The following SGCZ variants were observed in gnomAD, a reference collection of about 807,000 sequenced individuals.
The protein encoded by SGCZ is zeta-sarcoglycan.
A neutral mutation model predicts 41.3 loss-of-function variants in SGCZ; 40 were observed. That is an observed-to-expected ratio of 0.97 (90% confidence interval 0.75 to 1.26). The LOEUF (loss-of-function observed/expected upper bound fraction) is 1.26, where lower values mean the gene tolerates loss of function less well. SGCZ is among the 50% of genes most tolerant of loss of function. The probability of loss-of-function intolerance (pLI) is 0.00; values close to 1 mark genes in which losing one functional copy is unlikely to be tolerated. For synonymous variants in SGCZ, 206 were observed against 137.5 expected, an observed-to-expected ratio of 1.50 and a Z score of -3.49; for missense variants, 552 against 369.8, an observed-to-expected ratio of 1.49 and a Z score of -4.04.
chr8:14,156,427 C>T (rs1188380995), intron 5 of SGCZ, among the ~76,000 whole-genome samples: 1 of 152,072 alleles, frequency 6.6e-6, no homozygotes, highest in African/African-American at 2.4e-5. Flanking sequence ...TGCCACTTCA[C>T]TCCAGCCTGG....
chr8:14,472,146 T>A lies in SGCZ; in HGVS notation c.234+82586A>T, dbSNP rs1801229898. On this transcript the variant is annotated intron_variant, in intron 2 of 7. Coordinates refer to ENST00000382080, the MANE Select transcript of SGCZ (RefSeq NM_139167.4). ...GTCTTACTATATGAATTTTAAGAGT[T>A]CCAATTGTAATTTTAGAAGTGACCT... 5.9e-5 allele frequency among the ~76,000 whole-genome samples: 9 copies of A among 152,240 alleles called. 1 individual carries two copies. The South Asian group carries it at 1.9e-3, about 32-fold the overall frequency.
intron 1 of SGCZ, among the ~76,000 whole-genome samples, chr8:15,184,041 TA>T (rs538585998): frequency 3.0e-4 from 45 of 152,334 alleles, no homozygotes; most frequent in African/African-American, 1.0e-3. Context: ...ACTACTTTTA[TA>T]GTGCTGAAAT....
intron 7 of SGCZ, among the ~76,000 whole-genome samples, chr8:14,100,617 A>G (rs965929371): frequency 1.4e-5 from 2 of 147,138 alleles, no homozygotes; most frequent in African/African-American, 2.5e-5. Context: ...ATATTAATAT[A>G]TTAATATATT....
chr8:14,339,049 G>A (rs566235102), intron 2 of SGCZ, among the ~76,000 whole-genome samples: 3 of 152,188 alleles, frequency 2.0e-5, no homozygotes, highest in South Asian at 4.1e-4. Context: ...CAAGTGGGAA[G>A]AAAATTAGTA....
At chr8:14,627,615 A>G (rs1198255916) in intron 1 of SGCZ, among the ~76,000 whole-genome samples, 1 of 152,028 alleles carries the variant, frequency 6.6e-6, no homozygotes, top group Non-Finnish European at 1.5e-5. Flanking sequence ...GGTTATTCCT[A>G]ATTTTAGATT....
At chr8:14,886,505 C>T in intron 1 of SGCZ, among the ~76,000 whole-genome samples, 1 of 151,986 alleles carries the variant, frequency 6.6e-6, no homozygotes, top group East Asian at 2.0e-4. Flanking sequence ...GAACAAACAC[C>T]TCAGGGAGGT....
intron 5 of SGCZ, among the ~76,000 whole-genome samples, chr8:14,117,481 C>CGTGT (rs146063958): frequency 2.8e-5 from 4 of 143,324 alleles, no homozygotes; most frequent in African/African-American, 1.0e-4. Flanking sequence ...GTACTTGACC[C>CGTGT]GTGTGTGTGT....
At chr8:15,091,641 T>A (rs937141379) in intron 1 of SGCZ, among the ~76,000 whole-genome samples, 1 of 152,240 alleles carries the variant, frequency 6.6e-6, no homozygotes, top group Admixed American at 6.5e-5. Flanking sequence ...ACTAAAAAAA[T>A]TTCCAATTTA....
intron 1 of SGCZ, among the ~76,000 whole-genome samples, chr8:14,646,946 C>G (rs1807241267): frequency 6.6e-6 from 1 of 151,900 alleles, no homozygotes; most frequent in Non-Finnish European, 1.5e-5. Flanking sequence ...CTAGCTCCAG[C>G]TGTCTCTGGG....
intron 2 of SGCZ, among the ~76,000 whole-genome samples, chr8:14,455,280 A>C (rs1217119728): frequency 1.3e-5 from 2 of 152,144 alleles, no homozygotes; most frequent in African/African-American, 4.8e-5. Context: ...AAAAAGTAAA[A>C]AATCATAGTT....
chr8:15,190,959 C>T (rs1020794945), intron 1 of SGCZ, among the ~76,000 whole-genome samples: 1 of 152,072 alleles, frequency 6.6e-6, no homozygotes, highest in African/African-American at 2.4e-5. Context: ...AGTGGACTAT[C>T]TATGGATTCA....
At chr8:15,211,840 C>T (rs1801245673) in intron 1 of SGCZ, among the ~76,000 whole-genome samples, 1 of 152,042 alleles carries the variant, frequency 6.6e-6, no homozygotes, top group African/African-American at 2.4e-5. Flanking sequence ...CATCCAAATT[C>T]CATTTTGTAA....
At chr8:14,800,886 C>T (rs777430115) in intron 1 of SGCZ, among the ~76,000 whole-genome samples, 2 of 144,182 alleles carry the variant, frequency 1.4e-5, no homozygotes, top group Admixed American at 7.3e-5. Context: ...TCATATACCA[C>T]ACAAGCAAAC....
intron 2 of SGCZ, among the ~76,000 whole-genome samples, chr8:14,534,744 A>T (rs1803243745): frequency 1.3e-5 from 2 of 152,056 alleles, no homozygotes; most frequent in Admixed American, 1.3e-4. Context: ...ATTGAAAGAA[A>T]GTACAACTTT....
intron 1 of SGCZ, among the ~76,000 whole-genome samples, chr8:15,064,723 C>G (rs1051713712): frequency 2.0e-5 from 3 of 152,064 alleles, no homozygotes; most frequent in Non-Finnish European, 2.9e-5. Flanking sequence ...CTTCCCTGCT[C>G]TATAAACCCC....
At chr8:14,699,829 T>G (rs1248175544) in intron 1 of SGCZ, among the ~76,000 whole-genome samples, 2 of 151,908 alleles carry the variant, frequency 1.3e-5, no homozygotes, top group Admixed American at 1.3e-4. Context: ...AAGACATACA[T>G]GCAGCCAACG....
chr8:15,237,514 C>T, intron 1 of SGCZ, 71 bp downstream of exon 1: 3 of 1,530,544 alleles, frequency 2.0e-6, no homozygotes, highest in Non-Finnish European at 2.7e-6. Context: ...GCTGGAGGAG[C>T]CGCGGGAAGG....
chr8:14,773,623 A>C (rs889399842), intron 1 of SGCZ, among the ~76,000 whole-genome samples: 52 of 152,218 alleles, frequency 3.4e-4, no homozygotes, highest in African/African-American at 1.3e-3. Context: ...ATAAAAATCA[A>C]ATTACTTCTC....
intron 1 of SGCZ, among the ~76,000 whole-genome samples, chr8:14,804,449 C>T (rs1042949486): frequency 2.9e-5 from 4 of 135,704 alleles, no homozygotes; most frequent in Non-Finnish European, 4.8e-5. Flanking sequence ...CCTCAGGAGC[C>T]GATGCGATCA....
Sources: gnomAD v4.1 joint callset for allele counts (sites outside exome capture counted in the v4.1 genomes callset) on GRCh38, gnomAD v4.1.1 for gene constraint, MANE v1.5 for transcripts, NCBI Gene and HGNC (gene_info 2026-07-23, HGNC 2026-07-21) for gene names.